The following TUSC3 variants were observed in gnomAD, a reference collection of about 807,000 sequenced individuals.
TUSC3 encodes the protein dolichyl-diphosphooligosaccharide--protein glycosyltransferase subunit TUSC3.
In TUSC3, 45 loss-of-function variants were observed where a neutral mutation model predicts 44.8. The ratio of observed to expected loss-of-function variants is 1.00; its 90% CI spans 0.79 to 1.29. TUSC3 has a LOEUF of 1.29. Ranked by LOEUF, TUSC3 falls within the 50% of genes most tolerant of loss-of-function variation. The probability of loss-of-function intolerance (pLI) is 0.00; values close to 1 mark genes in which losing one functional copy is unlikely to be tolerated. For synonymous variants in TUSC3, 212 were observed against 152.9 expected (o/e 1.39, Z -2.85); for missense variants, 519 against 437.9 (o/e 1.19, Z -1.65).
intron 6 of TUSC3, among the ~76,000 whole-genome samples, chr8:15,720,640 C>A (rs1183006741): frequency 2.0e-5 from 3 of 152,076 alleles, no homozygotes; most frequent in Admixed American, 1.3e-4. Flanking sequence ...ACATACAGAG[C>A]AAATGGATGA....
the TUSC3 span, among the ~76,000 whole-genome samples, chr8:15,813,389 C>CAAACAA: frequency 6.9e-6 from 1 of 145,130 alleles, no homozygotes; most frequent in Non-Finnish European, 1.5e-5. Context: ...AACAAACAAA[C>CAAACAA]AAAAAAAAAA....
At chr8:15,835,023 G>A in the TUSC3 span, among the ~76,000 whole-genome samples, 64,550 of 151,948 alleles carry the variant, frequency 0.42, 14,652 homozygotes, top group Non-Finnish European at 0.51. Context: ...ACTGTAAGCT[G>A]GACTTTATGT....
the TUSC3 span, among the ~76,000 whole-genome samples, chr8:15,808,601 A>C: frequency 6.6e-6 from 1 of 152,282 alleles, no homozygotes; most frequent in South Asian, 2.1e-4. Context: ...ATCTTCCACG[A>C]AGGTAAGAAC....
intron 2 of TUSC3, among the ~76,000 whole-genome samples, chr8:15,625,395 A>G (rs1273310652): frequency 3.3e-5 from 5 of 152,068 alleles, no homozygotes; most frequent in Non-Finnish European, 7.4e-5. Flanking sequence ...AATTTTTGGG[A>G]AATATTGTAT....
At position 15,611,920 on chromosome 8, in the gene TUSC3, A is replaced by G. The variant is rs941339808; in HGVS notation, c.139-11160A>G. Among the ~76,000 whole-genome samples the G allele has an allele frequency of 2.2e-4, 33 of 152,212 alleles. 1 individual carries two copies. On this transcript the variant is annotated intron_variant, in intron 1 of 10. Coordinates refer to ENST00000503731, the MANE Select transcript of TUSC3 (RefSeq NM_006765.4). ...TAACTTTTCTACTAAATGCAAAACGATATGCATCTGGCTGCTCATGTTTGG... is the reference window on the plus strand; with the variant it reads ...TAACTTTTCTACTAAATGCAAAACGGTATGCATCTGGCTGCTCATGTTTGG...
chr8:15,481,816 T>C (rs1800665647), intron 1 of TUSC3, among the ~76,000 whole-genome samples: 1 of 152,208 alleles, frequency 6.6e-6, no homozygotes, highest in South Asian at 2.1e-4. Context: ...GCCTTGATGT[T>C]AATGGATGCT....
At chr8:15,823,525 A>G in the TUSC3 span, among the ~76,000 whole-genome samples, 1 of 152,116 alleles carries the variant, frequency 6.6e-6, no homozygotes, top group Non-Finnish European at 1.5e-5. Context: ...TTATTTATTC[A>G]TTATTGTAGA....
intron 1 of TUSC3, among the ~76,000 whole-genome samples, chr8:15,475,651 A>T (rs888857769): frequency 2.6e-5 from 4 of 152,178 alleles, no homozygotes. Flanking sequence ...ATATGCCATT[A>T]CAGTAGCTGT....
At chr8:15,798,772 G>A in the TUSC3 span, among the ~76,000 whole-genome samples, 3 of 152,138 alleles carry the variant, frequency 2.0e-5, no homozygotes, top group East Asian at 5.8e-4. Flanking sequence ...GCTCTTACAG[G>A]GACAACATTT....
At chr8:15,461,271 G>A (rs1210238573) in intron 1 of TUSC3, among the ~76,000 whole-genome samples, 1 of 151,562 alleles carries the variant, frequency 6.6e-6, no homozygotes. Context: ...TAAGTGTTTT[G>A]TTTGTTTGTT....
chr8:15,459,082 A>T (rs181498172), intron 1 of TUSC3, among the ~76,000 whole-genome samples: 68 of 152,320 alleles, frequency 4.5e-4, no homozygotes, highest in African/African-American at 1.6e-3. Flanking sequence ...CAGTTAAAGT[A>T]TCTATACTCC....
At chr8:15,676,706 A>G (rs969112782) in intron 6 of TUSC3, among the ~76,000 whole-genome samples, 2 of 152,184 alleles carry the variant, frequency 1.3e-5, no homozygotes, top group Admixed American at 1.3e-4. Context: ...CTAAACACCT[A>G]AAATACAAAG....
intron 1 of TUSC3, among the ~76,000 whole-genome samples, chr8:15,430,750 C>A (rs537610657): frequency 6.6e-6 from 1 of 151,726 alleles, no homozygotes; most frequent in Non-Finnish European, 1.5e-5. Flanking sequence ...AGCCCAAAAT[C>A]TCCTTAAGCT....
At chr8:15,827,368 T>C in the TUSC3 span, among the ~76,000 whole-genome samples, 36 of 152,338 alleles carry the variant, frequency 2.4e-4, no homozygotes, top group African/African-American at 8.2e-4. Context: ...ATATATGATA[T>C]TCATGAATAT....
chr8:15,648,316 C>T (rs936064566), intron 2 of TUSC3, among the ~76,000 whole-genome samples: 6 of 151,970 alleles, frequency 3.9e-5, no homozygotes, highest in African/African-American at 9.6e-5. Flanking sequence ...TTTTTCCTTC[C>T]GTGAATACCC....
At chr8:15,743,492 A>G (rs1273417466) in intron 7 of TUSC3, 46 bp from the exon 8 acceptor site, 2 of 1,601,002 alleles carry the variant, frequency 1.2e-6, no homozygotes, top group Non-Finnish European at 1.7e-6. Context: ...AAATTAATAG[A>G]TTTTATTCAC....
chr8:15,540,469 G>T lies in TUSC3; in HGVS notation c.39G>T (p.Ala13=). ...ARGAPSRRRQ[A]GRRLRYLPTG... is the part of the protein sequence containing the mutation. ...GCGCTCCTTCACGCCGTAGGCAAGC[G>T]GGGCGGCGGCTGCGGTACCTGCCCA... The change falls in exon 1 of 11, where the codon GCG becomes GCT. Residue 13 remains alanine (A), a synonymous_variant. Coordinates refer to ENST00000503731, the MANE Select transcript of TUSC3 (RefSeq NM_006765.4). 6.2e-7 allele frequency: 1 copy of T among 1,606,730 alleles called. No homozygotes were observed. The highest frequency in any genetic ancestry group is 8.5e-7 in the Non-Finnish European group (1 of 1,177,410).
chr8:15,519,451 A>G (rs1415594582), intron 2 of TUSC3, among the ~76,000 whole-genome samples: 2 of 152,188 alleles, frequency 1.3e-5, no homozygotes, highest in Non-Finnish European at 1.5e-5. Context: ...TCCCTCAGCC[A>G]CAGACCAGTA....
At chr8:15,588,455 A>G (rs1268231502) in intron 1 of TUSC3, among the ~76,000 whole-genome samples, 1 of 152,078 alleles carries the variant, frequency 6.6e-6, no homozygotes, top group Non-Finnish European at 1.5e-5. Context: ...TATTCTGGAT[A>G]TTCGTTCCTT....
Sources: gnomAD v4.1 joint callset for allele counts (sites outside exome capture counted in the v4.1 genomes callset) on GRCh38, gnomAD v4.1.1 for gene constraint, MANE v1.5 for transcripts, NCBI Gene and HGNC (gene_info 2026-07-23, HGNC 2026-07-21) for gene names.